FSD1L: variants seen among roughly 807,000 people sequenced by gnomAD.
The protein encoded by FSD1L is FSD1-like protein.
Under a neutral mutation model 71.6 loss-of-function variants are expected in FSD1L, and 45 were observed. That is an observed-to-expected ratio of 0.63 (90% CI 0.49 to 0.81). The LOEUF (loss-of-function observed/expected upper bound fraction) is 0.81, where lower values mean the gene tolerates loss of function less well. Among genes scored for constraint, FSD1L ranks in the 30% least tolerant of loss-of-function variants. FSD1L has a pLI of 0.00. For missense variants in FSD1L, 561 were observed against 618.1 expected (o/e 0.91, Z 0.98); for synonymous variants, 197 against 207.2 (o/e 0.95, Z 0.42).
At chr9:105,519,191 C>G (rs1834946534) in intron 10 of FSD1L, among the ~76,000 whole-genome samples, 1 of 152,056 alleles carries the variant, frequency 6.6e-6, no homozygotes. Flanking sequence ...AAGTCCAGGA[C>G]CAGACAGACT....
intron 9 of FSD1L, among the ~76,000 whole-genome samples, chr9:105,511,297 A>T (rs1564127395): frequency 6.6e-6 from 1 of 151,996 alleles, no homozygotes; most frequent in African/African-American, 2.4e-5. Flanking sequence ...TTTTAAAAAA[A>T]CAGCCTTAGG....
intron 10 of FSD1L, chr9:105,521,511 T>G: frequency 6.2e-7 from 1 of 1,613,952 alleles, no homozygotes; most frequent in African/African-American, 1.3e-5. Context: ...TCAGGCATTT[T>G]TATTACCAAT....
upstream of FSD1L, chr9:105,447,999 G>C (rs929140776): frequency 1.8e-6 from 1 of 557,112 alleles, no homozygotes; most frequent in Non-Finnish European, 3.2e-6. Context: ...CGCAGGCGCG[G>C]TGCGCTCCTC....
At chr9:105,522,432 C>G (rs1291484438) in intron 10 of FSD1L, 2 of 1,613,640 alleles carry the variant, frequency 1.2e-6, no homozygotes, top group African/African-American at 2.7e-5. Context: ...TCAGCCTGGC[C>G]AAGCCCCAAT....
Position 105,546,510 on chromosome 9 carries a change from C to G in FSD1L, c.*27C>G. On this transcript the variant is annotated 3_prime_UTR_variant, in exon 14 of 14. Coordinates refer to ENST00000481272, the MANE Select transcript of FSD1L (RefSeq NM_001145313.3). Reference sequence around the variant, plus strand: ...GTCTACTCAGAATACGTTTACCCTCCGTCTTGATTAGGTGGCCTTTTCTGT... The same window carrying G: ...GTCTACTCAGAATACGTTTACCCTCGGTCTTGATTAGGTGGCCTTTTCTGT... The G allele has an allele frequency of 6.7e-7, 1 of 1,500,814 alleles. No individual in the cohort carries two copies. Among genetic ancestry groups the G allele is most frequent in the South Asian group, 1.3e-5 (1 of 75,028 alleles). 93.0% of individuals were successfully genotyped at this position (1,500,814 alleles called of 1,614,324 possible). A position where few individuals can be genotyped will look rare whatever the true frequency, so the allele number is the denominator to read the frequency against.
At chr9:105,513,851 A>G (rs996374248) in intron 10 of FSD1L, among the ~76,000 whole-genome samples, 3 of 152,220 alleles carry the variant, frequency 2.0e-5, no homozygotes, top group African/African-American at 7.2e-5. Flanking sequence ...TGGTAACAAA[A>G]TAAGCTCTGC....
intron 12 of FSD1L, among the ~76,000 whole-genome samples, chr9:105,536,690 C>T (rs937771677): frequency 6.6e-6 from 1 of 152,086 alleles, no homozygotes; most frequent in African/African-American, 2.4e-5. Context: ...GGCTGGAGTG[C>T]AGTGGCTCAG....
At chr9:105,524,415 G>A in intron 10 of FSD1L, 9 of 1,613,698 alleles carry the variant, frequency 5.6e-6, no homozygotes, top group Non-Finnish European at 7.6e-6. Flanking sequence ...CAAGAGGTTG[G>A]TAGTATCTTT....
At chr9:105,514,115 T>G (rs1834558850) in intron 10 of FSD1L, among the ~76,000 whole-genome samples, 1 of 152,216 alleles carries the variant, frequency 6.6e-6, no homozygotes, top group Non-Finnish European at 1.5e-5. Flanking sequence ...AGATGAATGG[T>G]TTCAATTTGC....
At chr9:105,518,340 G>C (rs1419891927) in intron 10 of FSD1L, among the ~76,000 whole-genome samples, 1 of 152,074 alleles carries the variant, frequency 6.6e-6, no homozygotes, top group Non-Finnish European at 1.5e-5. Context: ...CTCTCCACCC[G>C]AAATCAACAG....
intron 7 of FSD1L, among the ~76,000 whole-genome samples, chr9:105,489,598 G>A (rs946691203): frequency 5.9e-5 from 9 of 152,046 alleles, no homozygotes; most frequent in African/African-American, 2.2e-4. Flanking sequence ...CTGGTGTGCT[G>A]CACACATTAA....
At position 105,522,286 on chromosome 9, in the gene FSD1L, A is replaced by G. The variant is rs557419869; in HGVS notation, c.1025+9350A>G. ...ACTAAAGTTTTAGCTAGGAATTTAT[A>G]TAGTTTGGATCTCAGTGATTTACCA... is the stretch of plus-strand genomic sequence containing the variant. On this transcript the variant is annotated intron_variant, in intron 10 of 13. Transcript: ENST00000481272. The G allele has an allele frequency of 6.8e-5, 110 of 1,613,790 alleles. No individual in the cohort carries two copies. The African/African-American group carries it at 1.3e-3, about 19-fold the overall frequency.
chr9:105,512,026 G>T (rs1173620511), intron 9 of FSD1L, among the ~76,000 whole-genome samples: 2 of 152,048 alleles, frequency 1.3e-5, no homozygotes, highest in Non-Finnish European at 2.9e-5. Flanking sequence ...AAGATAAAAG[G>T]AATGGTGTGA....
intron 10 of FSD1L, chr9:105,522,489 G>A (rs1247134652): frequency 6.2e-7 from 1 of 1,613,758 alleles, no homozygotes; most frequent in African/African-American, 1.3e-5. Flanking sequence ...AACCGAAAAG[G>A]CGAGGAGTAT....
At chr9:105,473,975 T>TG (rs1453762176) in intron 5 of FSD1L, among the ~76,000 whole-genome samples, 1 of 152,232 alleles carries the variant, frequency 6.6e-6, no homozygotes, top group Non-Finnish European at 1.5e-5. Context: ...GGTCTTGTCT[T>TG]GCAGCAGTTT....
At position 105,479,356 on chromosome 9, in the gene FSD1L, T is replaced by G. The variant is rs1832022867; in HGVS notation, c.444T>G (p.Ala148=). ...DIKEPEEFSK[A]ARQIKDRVTM... is the part of the protein sequence containing the mutation. ...TCTTCTCCCTGATTGGCTCCAAGGCTGCCAGACAGATCAAGGATAGGTATG... is the reference window on the plus strand; with the variant it reads ...TCTTCTCCCTGATTGGCTCCAAGGCGGCCAGACAGATCAAGGATAGGTATG... Residue 148 remains alanine (A), a splice_region_variant and synonymous_variant, in exon 6 of 14, where the codon GCT becomes GCG. Coordinates refer to ENST00000481272, the MANE Select transcript of FSD1L (RefSeq NM_001145313.3). The G allele has an allele frequency of 6.4e-7, 1 of 1,550,810 alleles. No individual in the cohort carries two copies. Among genetic ancestry groups the G allele is most frequent in the Non-Finnish European group, 8.7e-7 (1 of 1,146,412 alleles).
intron 10 of FSD1L, among the ~76,000 whole-genome samples, chr9:105,532,665 C>A (rs1459334006): frequency 6.6e-6 from 1 of 152,236 alleles, no homozygotes; most frequent in Non-Finnish European, 1.5e-5. Flanking sequence ...TACCTATCCA[C>A]ATTCAGCTTT....
At chr9:105,447,324 CAAAAAAAAA>C (rs35514046), upstream of FSD1L, among the ~76,000 whole-genome samples, 4 of 61,552 alleles carry the variant, frequency 6.5e-5, 1 homozygote, top group African/African-American at 2.8e-4. Context: ...ACTCCATCTC[CAAAAAAAAA>C]AAAAAAAAAA....
chr9:105,518,387 C>T (rs951543039), intron 10 of FSD1L, among the ~76,000 whole-genome samples: 7 of 152,198 alleles, frequency 4.6e-5, no homozygotes, highest in Non-Finnish European at 7.3e-5. Context: ...CACACTTATT[C>T]TAAAATTGAC....
Sources: allele counts gnomAD v4.1 joint callset (sites outside exome capture counted in the v4.1 genomes callset), GRCh38; gene constraint gnomAD v4.1.1; transcripts MANE v1.5; gene names NCBI Gene and HGNC (gene_info 2026-07-23, HGNC 2026-07-21).